TMEM117: variants seen among roughly 807,000 people sequenced by gnomAD.
TMEM117 encodes transmembrane protein 117.
Under a neutral mutation model 52.4 loss-of-function variants are expected in TMEM117, and 27 were observed. The ratio of observed to expected loss-of-function variants is 0.51; its 90% CI spans 0.38 to 0.71. The LOEUF (loss-of-function observed/expected upper bound fraction) is 0.71, where lower values mean the gene tolerates loss of function less well. Among genes scored for constraint, TMEM117 ranks in the 30% least tolerant of loss-of-function variants. The pLI is 0.00. For missense variants in TMEM117, 556 were observed against 630.5 expected (o/e 0.88, Z 1.26); for synonymous variants, 215 against 206.3 (o/e 1.04, Z -0.36).
chr12:44,028,399 C>T (rs1946578266), intron 3 of TMEM117, among the ~76,000 whole-genome samples: 1 of 152,172 alleles, frequency 6.6e-6, no homozygotes, highest in South Asian at 2.1e-4. Flanking sequence ...AAGGCTGACA[C>T]CTACTGGGCT....
rs895520547 is a variant in TMEM117 at position 44,265,884 on chromosome 12, A to G, written c.609-33696A>G. Among the ~76,000 whole-genome samples the G allele has an allele frequency of 4.6e-5, 7 of 152,320 alleles. No homozygotes were observed. In the South Asian group the frequency reaches 1.0e-3, roughly 23 times the overall value. On this transcript the variant is annotated intron_variant, in intron 5 of 7. Transcript: ENST00000266534. ...ATTTTTAGCTAGTCTTTCACTTAGC[A>G]TAATGCTTTCAAGGTTTGTCCATTA...
At chr12:44,197,148 T>C (rs918242298) in intron 4 of TMEM117, among the ~76,000 whole-genome samples, 3 of 152,196 alleles carry the variant, frequency 2.0e-5, no homozygotes, top group Non-Finnish European at 2.9e-5. Context: ...TTTAGAAAAC[T>C]GGAATGCTGA....
At chr12:44,088,822 C>T (rs1307524942) in intron 3 of TMEM117, among the ~76,000 whole-genome samples, 2 of 152,292 alleles carry the variant, frequency 1.3e-5, no homozygotes, top group East Asian at 1.9e-4. Flanking sequence ...AACAGACTTG[C>T]CAAATCTTTC....
intron 3 of TMEM117, 44 bp downstream of exon 3, chr12:43,944,386 G>A (rs755205577): frequency 1.3e-5 from 20 of 1,558,172 alleles, no homozygotes; most frequent in Non-Finnish European, 1.6e-5. Context: ...TGTTATGTTT[G>A]AAACTTGTAA....
intron 4 of TMEM117, among the ~76,000 whole-genome samples, chr12:44,197,854 A>G (rs1207523525): frequency 6.6e-6 from 1 of 152,186 alleles, no homozygotes; most frequent in Non-Finnish European, 1.5e-5. Flanking sequence ...GCAATACATC[A>G]CAAAAGCAGG....
intron 3 of TMEM117, among the ~76,000 whole-genome samples, chr12:44,059,721 A>G (rs1388725630): frequency 6.6e-6 from 1 of 152,200 alleles, no homozygotes. Context: ...AGAATGTGCA[A>G]TGTGCTCATT....
intron 3 of TMEM117, among the ~76,000 whole-genome samples, chr12:43,977,354 G>A (rs889572849): frequency 6.6e-6 from 1 of 152,072 alleles, no homozygotes; most frequent in African/African-American, 2.4e-5. Flanking sequence ...CTGATACCAG[G>A]TTGGGTCCTA....
chr12:44,064,618 GT>G (rs575497899), intron 3 of TMEM117, among the ~76,000 whole-genome samples: 12 of 151,580 alleles, frequency 7.9e-5, no homozygotes, highest in African/African-American at 2.7e-4. Flanking sequence ...TTAAAAATCT[GT>G]TTTTTTTAAA....
chr12:43,953,378 C>T (rs1196840493), intron 3 of TMEM117, among the ~76,000 whole-genome samples: 2 of 151,970 alleles, frequency 1.3e-5, no homozygotes, highest in Non-Finnish European at 2.9e-5. Context: ...AAGACAAGAC[C>T]CACCGGTGTG....
intron 3 of TMEM117, among the ~76,000 whole-genome samples, chr12:44,056,323 C>A (rs1261995151): frequency 6.6e-6 from 1 of 152,118 alleles, no homozygotes; most frequent in Non-Finnish European, 1.5e-5. Context: ...TTCCCAGCAT[C>A]AGAGGATGAG....
chr12:44,396,896 G>A, the TMEM117 span, among the ~76,000 whole-genome samples: 2 of 151,398 alleles, frequency 1.3e-5, no homozygotes, highest in African/African-American at 4.8e-5. Context: ...ACTCATTTAT[G>A]TAGCATAATA....
At chr12:44,036,285 C>T (rs1946708851) in intron 3 of TMEM117, among the ~76,000 whole-genome samples, 1 of 152,238 alleles carries the variant, frequency 6.6e-6, no homozygotes, top group African/African-American at 2.4e-5. Context: ...GTGAAAGGAA[C>T]AGTTTTCTAC....
chr12:43,851,159 C>CA (rs1943302278), intron 2 of TMEM117, among the ~76,000 whole-genome samples: 1 of 152,050 alleles, frequency 6.6e-6, no homozygotes, highest in African/African-American at 2.4e-5. Flanking sequence ...TCCAGAAGGA[C>CA]AATACAGTAT....
intron 5 of TMEM117, among the ~76,000 whole-genome samples, chr12:44,292,762 A>C (rs1439939235): frequency 6.6e-6 from 1 of 151,894 alleles, no homozygotes; most frequent in Non-Finnish European, 1.5e-5. Context: ...TATGCTTGTG[A>C]ATTTTACAAA....
At chr12:43,844,368 C>T (rs1943164540) in intron 1 of TMEM117, among the ~76,000 whole-genome samples, 1 of 152,216 alleles carries the variant, frequency 6.6e-6, no homozygotes, top group South Asian at 2.1e-4. Context: ...TGCCCTCTCA[C>T]ATCCCATTGT....
At chr12:44,126,488 C>G (rs978676353) in intron 3 of TMEM117, among the ~76,000 whole-genome samples, 5 of 152,146 alleles carry the variant, frequency 3.3e-5, no homozygotes, top group Non-Finnish European at 7.4e-5. Context: ...CAGATTCTAC[C>G]TGTGTTCTTC....
chr12:44,391,532 ACAGTG>A (rs746063531), downstream of TMEM117, among the ~76,000 whole-genome samples: 22 of 152,256 alleles, frequency 1.4e-4, no homozygotes, highest in Non-Finnish European at 2.5e-4. Flanking sequence ...GGCTGACAGT[ACAGTG>A]GAAAGAAGTC....
intron 3 of TMEM117, among the ~76,000 whole-genome samples, chr12:44,039,775 G>A (rs12313365): frequency 3.3e-5 from 5 of 151,784 alleles, no homozygotes; most frequent in East Asian, 1.9e-4. Flanking sequence ...AAAAAGAAAC[G>A]CCACCCTCTT....
Position 44,195,103 on chromosome 12 carries a change from T to C in TMEM117, c.511-16187T>C, listed in dbSNP as rs953634143. Among the ~76,000 whole-genome samples, 6 of 152,188 alleles carry C rather than the reference T, an allele frequency of 3.9e-5. No individual in the cohort carries two copies. The South Asian group carries it at 1.0e-3, about 26-fold the overall frequency. On this transcript the variant is annotated intron_variant, in intron 4 of 7. Coordinates refer to ENST00000266534, the MANE Select transcript of TMEM117 (RefSeq NM_032256.3). The stretch of plus-strand genomic sequence containing the variant: ...TTCTGTAGGTCAAGTCTATGTGGGC[T>C]CCACTGGGTTCTCTACTTAGGTTCT...
Sources: allele counts gnomAD v4.1 joint callset (sites outside exome capture counted in the v4.1 genomes callset), GRCh38; gene constraint gnomAD v4.1.1; transcripts MANE v1.5; gene names NCBI Gene and HGNC (gene_info 2026-07-23, HGNC 2026-07-21).